PTPRT: variants seen among roughly 807,000 people sequenced by gnomAD.
PTPRT encodes receptor-type tyrosine-protein phosphatase T.
In PTPRT, 56 loss-of-function variants were observed where a neutral mutation model predicts 176.8. The observed-to-expected ratio is 0.32, with a 90% confidence interval of 0.26 to 0.40. The LOEUF (loss-of-function observed/expected upper bound fraction) is 0.40, where lower values mean the gene tolerates loss of function less well. Among genes scored for constraint, PTPRT ranks in the 10% least tolerant of loss-of-function variants. The pLI, the probability that PTPRT is intolerant of heterozygous loss-of-function variation, is 1.00. For synonymous variants in PTPRT, 783 were observed against 739.0 expected (o/e 1.06, Z -0.96); for missense variants, 1,540 against 1,908.2 (o/e 0.81, Z 3.60).
intron 1 of PTPRT, among the ~76,000 whole-genome samples, chr20:42,892,110 G>A (rs1732083554): frequency 6.6e-6 from 1 of 152,206 alleles, no homozygotes; most frequent in Non-Finnish European, 1.5e-5. Flanking sequence ...TTGTATAAAT[G>A]AAAACTTGTC....
the PTPRT span, among the ~76,000 whole-genome samples, chr20:42,032,237 G>C: frequency 2.0e-5 from 3 of 152,122 alleles, no homozygotes; most frequent in African/African-American, 7.2e-5. Context: ...CCATAGGAAG[G>C]ACCACAAGGT....
chr20:42,698,032 C>A (rs2146146680), intron 6 of PTPRT, among the ~76,000 whole-genome samples: 1 of 152,268 alleles, frequency 6.6e-6, no homozygotes, highest in East Asian at 1.9e-4. Flanking sequence ...CGTATCATTC[C>A]TATAGAGCTC....
At chr20:42,644,030 T>C (rs2074827128) in intron 7 of PTPRT, among the ~76,000 whole-genome samples, 1 of 152,108 alleles carries the variant, frequency 6.6e-6, no homozygotes, top group Non-Finnish European at 1.5e-5. Context: ...GATGCAGTGC[T>C]CTTAAAATCC....
At chr20:42,745,483 T>C (rs1032242916) in intron 6 of PTPRT, among the ~76,000 whole-genome samples, 5 of 152,262 alleles carry the variant, frequency 3.3e-5, no homozygotes, top group Non-Finnish European at 5.9e-5. Flanking sequence ...ACCCCCCCTC[T>C]CCCATCGTGA....
chr20:43,005,103 A>C (rs1315495250), intron 1 of PTPRT, among the ~76,000 whole-genome samples: 1 of 152,156 alleles, frequency 6.6e-6, no homozygotes, highest in Admixed American at 6.5e-5. Context: ...CCTATAGTTC[A>C]CATCCCCTCC....
intron 6 of PTPRT, among the ~76,000 whole-genome samples, chr20:42,715,887 C>A (rs1354278689): frequency 6.6e-6 from 1 of 152,158 alleles, no homozygotes; most frequent in Admixed American, 6.5e-5. Context: ...GTATAAAGAA[C>A]CAAAAATAGT....
At chr20:42,978,561 G>A (rs1983093270) in intron 1 of PTPRT, among the ~76,000 whole-genome samples, 1 of 152,288 alleles carries the variant, frequency 6.6e-6, no homozygotes, top group South Asian at 2.1e-4. Context: ...GCAGTGGCTG[G>A]GTAAAATGAG....
intron 2 of PTPRT, among the ~76,000 whole-genome samples, chr20:42,807,930 C>T (rs772675728): frequency 6.6e-6 from 1 of 152,204 alleles, no homozygotes; most frequent in African/African-American, 2.4e-5. Context: ...GCCCAGGTCT[C>T]TCTTTAAAGA....
intron 7 of PTPRT, among the ~76,000 whole-genome samples, chr20:42,640,727 A>G (rs1005589483): frequency 2.0e-5 from 3 of 152,088 alleles, no homozygotes; most frequent in Admixed American, 1.3e-4. Flanking sequence ...AAAAATGTCT[A>G]GAGATGTTTG....
intron 7 of PTPRT, among the ~76,000 whole-genome samples, chr20:42,593,102 G>A (rs765481952): frequency 1.7e-4 from 26 of 152,160 alleles, no homozygotes; most frequent in African/African-American, 2.9e-4. Context: ...GGCAAAAACC[G>A]AATTGTAGCA....
rs148502487 is a variant in PTPRT, at chr20:43,032,928, G to A, written c.89-146996C>T. ...GATACAGAATTGCAGAGGTCTTGGC[G>A]GTTCTCTGGTCCAAATTTCCATCTA... is the stretch of plus-strand genomic sequence containing the variant. On this transcript the variant is annotated intron_variant, in intron 1 of 30. Transcript: ENST00000373187. Among the ~76,000 whole-genome samples the A allele has an allele frequency of 1.9e-4, 29 of 152,270 alleles. No homozygotes were observed. The East Asian group carries it at 4.4e-3, about 23-fold the overall frequency.
At chr20:42,659,206 CA>C (rs1181065980) in intron 7 of PTPRT, among the ~76,000 whole-genome samples, 2 of 151,800 alleles carry the variant, frequency 1.3e-5, no homozygotes, top group Middle Eastern at 6.4e-3. Context: ...CTCTAACTCT[CA>C]AAAAAAACAT....
chr20:42,590,509 G>A (rs1012504029), intron 7 of PTPRT, among the ~76,000 whole-genome samples: 3 of 152,054 alleles, frequency 2.0e-5, no homozygotes, highest in Non-Finnish European at 2.9e-5. Flanking sequence ...ATAGCTTAGT[G>A]GGGACATAAA....
At chr20:42,488,700 C>T (rs1445836486) in intron 7 of PTPRT, among the ~76,000 whole-genome samples, 1 of 152,060 alleles carries the variant, frequency 6.6e-6, no homozygotes, top group East Asian at 1.9e-4. Context: ...CGCAGTGGCT[C>T]ATGCCTGTAA....
chr20:42,852,043 T>C (rs2078481725), intron 2 of PTPRT, among the ~76,000 whole-genome samples: 1 of 152,254 alleles, frequency 6.6e-6, no homozygotes, highest in African/African-American at 2.4e-5. Flanking sequence ...TTTATTTCAC[T>C]AGCCACTAAA....
At chr20:42,815,531 C>T (rs28600713) in intron 2 of PTPRT, among the ~76,000 whole-genome samples, 2,531 of 152,298 alleles carry the variant, frequency 0.017, 73 homozygotes, top group African/African-American at 0.053. Flanking sequence ...CCAGGTCAAA[C>T]TTAGAAGTTG....
At chr20:43,098,844 T>C (rs2012277320) in intron 1 of PTPRT, among the ~76,000 whole-genome samples, 1 of 152,180 alleles carries the variant, frequency 6.6e-6, no homozygotes, top group South Asian at 2.1e-4. Flanking sequence ...ATATCTAGCA[T>C]TCAGAAACTT....
chr20:42,823,438 G>A (rs1192778103), intron 2 of PTPRT, among the ~76,000 whole-genome samples: 2 of 151,926 alleles, frequency 1.3e-5, no homozygotes, highest in Non-Finnish European at 2.9e-5. Context: ...AATAGGCACA[G>A]CAAACCACCA....
chr20:42,761,524 TG>T (rs1031306247), intron 5 of PTPRT, among the ~76,000 whole-genome samples: 3 of 152,198 alleles, frequency 2.0e-5, no homozygotes, highest in African/African-American at 7.2e-5. Flanking sequence ...ACTTTGGGAA[TG>T]GGGCCAGGCC....
Sources: allele counts gnomAD v4.1 joint callset (sites outside exome capture counted in the v4.1 genomes callset), GRCh38; gene constraint gnomAD v4.1.1; transcripts MANE v1.5; gene names NCBI Gene and HGNC (gene_info 2026-07-23, HGNC 2026-07-21).